LHFPL2: variants seen among roughly 807,000 people sequenced by gnomAD.
The protein encoded by LHFPL2 is LHFPL tetraspan subfamily member 2, also known as LHFPL tetraspan subfamily member 2 protein.
In LHFPL2, 7 loss-of-function variants were observed where a neutral mutation model predicts 17.5. The ratio of observed to expected loss-of-function variants is 0.40; its 90% CI spans 0.23 to 0.75. The LOEUF is 0.75. LHFPL2 is among the 30% of genes least tolerant of loss of function. The pLI is 0.37. For missense variants in LHFPL2, 241 were observed against 294.8 expected, an observed-to-expected ratio of 0.82 and a Z score of 1.34; for synonymous variants, 134 against 116.2, an observed-to-expected ratio of 1.15 and a Z score of -0.99.
At chr5:78,516,778 C>T (rs986442355) in intron 3 of LHFPL2, among the ~76,000 whole-genome samples, 30 of 152,284 alleles carry the variant, frequency 2.0e-4, no homozygotes, top group African/African-American at 7.2e-4. Context: ...CTGGGGCCCC[C>T]GAAGCCAGGG....
At chr5:78,546,937 C>A (rs1372540271) in intron 3 of LHFPL2, among the ~76,000 whole-genome samples, 1 of 151,618 alleles carries the variant, frequency 6.6e-6, no homozygotes, top group Admixed American at 6.6e-5. Context: ...TCTTTTTGAG[C>A]ATGAAACACT....
chr5:78,565,058 G>C (rs964349186), intron 2 of LHFPL2, among the ~76,000 whole-genome samples, 187 bp from the exon 3 acceptor site: 1 of 152,130 alleles, frequency 6.6e-6, no homozygotes, highest in African/African-American at 2.4e-5. Context: ...CGAACACAGG[G>C]TCCAAACCAC....
chr5:78,502,112 A>T (rs573473682), intron 4 of LHFPL2, among the ~76,000 whole-genome samples: 1 of 152,288 alleles, frequency 6.6e-6, no homozygotes, highest in Middle Eastern at 3.4e-3. Context: ...CAAGAAAAAC[A>T]CTCTCCAGGG....
At chr5:78,561,616 G>T (rs1756729599) in intron 3 of LHFPL2, among the ~76,000 whole-genome samples, 1 of 152,094 alleles carries the variant, frequency 6.6e-6, no homozygotes, top group South Asian at 2.1e-4. Context: ...AAACATGAGG[G>T]GTTTTAAAAC....
rs187217064 is a variant in LHFPL2, at chr5:78,543,786, T to C, written c.-186+21027A>G. ...GACTAAGGGAGACAGGTGAGATGTG[T>C]GTATAGTGACAAGGACAAAATAGGA... On this transcript the variant is annotated intron_variant, in intron 3 of 4. Coordinates refer to ENST00000380345, the MANE Select transcript of LHFPL2 (RefSeq NM_005779.3). Among the ~76,000 whole-genome samples, 6 of 152,302 alleles carry C rather than the reference T, an allele frequency of 3.9e-5. No individual in the cohort carries two copies. The East Asian group carries it at 1.2e-3, about 29-fold the overall frequency.
At chr5:78,620,109 T>G (rs1367258139) in intron 2 of LHFPL2, among the ~76,000 whole-genome samples, 1 of 123,098 alleles carries the variant, frequency 8.1e-6, no homozygotes, top group Non-Finnish European at 1.7e-5. Flanking sequence ...TGAACTAGTT[T>G]ACAGTCCCAC....
chr5:78,523,887 A>G (rs968173792), intron 3 of LHFPL2, among the ~76,000 whole-genome samples: 3 of 152,198 alleles, frequency 2.0e-5, no homozygotes, highest in Non-Finnish European at 4.4e-5. Context: ...GTACAAGGTC[A>G]AGATAAGGAA....
chr5:78,617,373 G>A (rs1744659031), intron 2 of LHFPL2, among the ~76,000 whole-genome samples: 1 of 152,128 alleles, frequency 6.6e-6, no homozygotes, highest in Non-Finnish European at 1.5e-5. Flanking sequence ...TTATGTGAAA[G>A]CTATTCGTTT....
At chr5:78,638,943 A>G (rs931351924) in intron 1 of LHFPL2, among the ~76,000 whole-genome samples, 1 of 152,240 alleles carries the variant, frequency 6.6e-6, no homozygotes, top group African/African-American at 2.4e-5. Context: ...GAGGAAATCT[A>G]ATTGGATGGC....
At chr5:78,635,110 C>G (rs1745388642) in intron 1 of LHFPL2, among the ~76,000 whole-genome samples, 1 of 152,182 alleles carries the variant, frequency 6.6e-6, no homozygotes, top group South Asian at 2.1e-4. Flanking sequence ...ACTCCGACAG[C>G]AGAGACAAGA....
At chr5:78,504,511 G>A (rs1304933163) in intron 4 of LHFPL2, among the ~76,000 whole-genome samples, 1 of 152,122 alleles carries the variant, frequency 6.6e-6, no homozygotes, top group Non-Finnish European at 1.5e-5. Flanking sequence ...GATGCTTAAG[G>A]TGATTTTTTA....
In LHFPL2 at chr5:78,617,083, C is replaced by A. The variant is rs141600250; in HGVS notation, c.-245+15181G>T. On this transcript the variant is annotated intron_variant, in intron 2 of 4. Transcript: ENST00000380345. ...TACTCTTGTTGCCCAGGCTGGAGTG[C>A]AGTGGCTCAATCTCCGCTCACTACA... 5.8e-3 allele frequency among the ~76,000 whole-genome samples: 877 copies of A among 151,920 alleles called. 7 individuals carry two copies. Among genetic ancestry groups the A allele is most frequent in the African/African-American group, 0.02 (824 of 41,396 alleles).
intron 2 of LHFPL2, among the ~76,000 whole-genome samples, chr5:78,603,236 C>T (rs2112475814): frequency 6.6e-6 from 1 of 152,212 alleles, no homozygotes; most frequent in East Asian, 1.9e-4. Flanking sequence ...AACTGAGGCT[C>T]CGCAGGGTTA....
chr5:78,495,009 A>C (rs1333347812), intron 4 of LHFPL2, among the ~76,000 whole-genome samples: 2 of 152,250 alleles, frequency 1.3e-5, no homozygotes, highest in Non-Finnish European at 2.9e-5. Flanking sequence ...AATTTTTAAA[A>C]TACTGCCCTG....
intron 3 of LHFPL2, among the ~76,000 whole-genome samples, chr5:78,563,703 A>G (rs1756790550): frequency 6.6e-5 from 10 of 150,398 alleles, no homozygotes; most frequent in Admixed American, 6.6e-4. Flanking sequence ...TCCACTTCAA[A>G]AAAAAAAAAA....
chr5:78,590,886 T>C (rs1048765109), intron 2 of LHFPL2, among the ~76,000 whole-genome samples: 1 of 152,250 alleles, frequency 6.6e-6, no homozygotes, highest in Non-Finnish European at 1.5e-5. Context: ...TGTTTCCTAG[T>C]CTCTCAAAGG....
intron 2 of LHFPL2, among the ~76,000 whole-genome samples, chr5:78,592,670 T>TACACAC (rs371054360): frequency 1.8e-5 from 1 of 55,900 alleles, no homozygotes; most frequent in Non-Finnish European, 4.4e-5. Context: ...AAAATTCAGA[T>TACACAC]ACACACACAC....
chr5:78,542,681 C>G (rs190731455), intron 3 of LHFPL2, among the ~76,000 whole-genome samples: 43 of 152,316 alleles, frequency 2.8e-4, no homozygotes, highest in Admixed American at 5.9e-4. Flanking sequence ...GACTGCTTCT[C>G]CCACTGAAAG....
chr5:78,557,648 C>T (rs1175143504), intron 3 of LHFPL2, among the ~76,000 whole-genome samples: 1 of 152,210 alleles, frequency 6.6e-6, no homozygotes, highest in Non-Finnish European at 1.5e-5. Context: ...GTGTCCACCT[C>T]CTAACACCAC....
Sources: allele counts gnomAD v4.1 joint callset (sites outside exome capture counted in the v4.1 genomes callset), GRCh38; gene constraint gnomAD v4.1.1; transcripts MANE v1.5; gene names NCBI Gene and HGNC (gene_info 2026-07-23, HGNC 2026-07-21).